FHIT: variants seen among roughly 807,000 people sequenced by gnomAD.
FHIT encodes the protein fragile histidine triad diadenosine triphosphatase.
FHIT carries 19 observed loss-of-function variants against 17.9 expected under a neutral mutation model. That is an observed-to-expected ratio of 1.06 (90% CI 0.74 to 1.56). The LOEUF is 1.56. Among genes scored for constraint, FHIT ranks in the 40% most tolerant of loss-of-function variants. The pLI is 0.00. For synonymous variants in FHIT, 81 were observed against 69.7 expected, an observed-to-expected ratio of 1.16 and a Z score of -0.81; for missense variants, 248 against 189.2, an observed-to-expected ratio of 1.31 and a Z score of -1.82.
intron 3 of FHIT, among the ~76,000 whole-genome samples, chr3:60,917,518 C>A (rs1553767345): frequency 6.6e-6 from 1 of 152,208 alleles, no homozygotes; most frequent in African/African-American, 2.4e-5. Context: ...CTGGCAAGGC[C>A]ACATATGGAA....
At chr3:60,902,168 A>T (rs880003679) in intron 3 of FHIT, among the ~76,000 whole-genome samples, 1 of 152,214 alleles carries the variant, frequency 6.6e-6, no homozygotes, top group African/African-American at 2.4e-5. Flanking sequence ...GCCATAGTCA[A>T]TCTTTACCCT....
intron 5 of FHIT, among the ~76,000 whole-genome samples, chr3:60,176,137 G>A (rs1701657795): frequency 6.6e-6 from 1 of 152,160 alleles, no homozygotes; most frequent in East Asian, 1.9e-4. Flanking sequence ...TGGATCACCT[G>A]AGTCAGGAGT....
chr3:60,552,219 T>C lies in FHIT; in HGVS notation c.-17-15240A>G, dbSNP rs76069446. On this transcript the variant is annotated intron_variant, in intron 4 of 9. Transcript: ENST00000492590. ...CCATTGTATGTATACACCACATGTT[T>C]TTCTCCATTCATCAGTTGATGGACA... 1.6e-3 allele frequency among the ~76,000 whole-genome samples: 244 copies of C among 152,324 alleles called. 10 individuals are homozygous for C. The East Asian group carries it at 0.037, about 23-fold the overall frequency.
chr3:59,826,670 C>T (rs781195553), intron 8 of FHIT, among the ~76,000 whole-genome samples: 5 of 152,240 alleles, frequency 3.3e-5, no homozygotes, highest in Non-Finnish European at 7.3e-5. Context: ...GTCTCATACA[C>T]GGGAGTCTCA....
chr3:60,305,697 C>T (rs1464244646), intron 5 of FHIT, among the ~76,000 whole-genome samples: 1 of 152,062 alleles, frequency 6.6e-6, no homozygotes, highest in Non-Finnish European at 1.5e-5. Context: ...AGAGAAGTAC[C>T]ATTAACAGTA....
chr3:59,886,783 C>A (rs1703642492), intron 8 of FHIT, among the ~76,000 whole-genome samples: 1 of 152,188 alleles, frequency 6.6e-6, no homozygotes, highest in Non-Finnish European at 1.5e-5. Context: ...GCACAAACAT[C>A]CAAACCACAG....
intron 5 of FHIT, among the ~76,000 whole-genome samples, chr3:60,386,527 ACTGCTCT>A (rs1701019365): frequency 6.6e-6 from 1 of 152,146 alleles, no homozygotes; most frequent in Admixed American, 6.6e-5. Flanking sequence ...GACTACCCTG[ACTGCTCT>A]CATATATACC....
intron 5 of FHIT, among the ~76,000 whole-genome samples, chr3:60,344,585 C>A (rs543489033): frequency 6.6e-6 from 1 of 152,188 alleles, no homozygotes; most frequent in South Asian, 2.1e-4. Flanking sequence ...AAGGCAAACA[C>A]TGGAGGAGGA....
intron 7 of FHIT, among the ~76,000 whole-genome samples, chr3:59,942,158 T>C (rs1706553191): frequency 6.6e-6 from 1 of 152,184 alleles, no homozygotes. Context: ...TCTCCACACT[T>C]GGTTTCTCTG....
chr3:59,951,217 T>A (rs762251007), intron 7 of FHIT, among the ~76,000 whole-genome samples: 2 of 152,200 alleles, frequency 1.3e-5, no homozygotes, highest in Non-Finnish European at 2.9e-5. Context: ...AGCTAATGTG[T>A]GTTCCCTTCC....
At chr3:60,100,915 G>GTT in intron 5 of FHIT, among the ~76,000 whole-genome samples, 1 of 152,218 alleles carries the variant, frequency 6.6e-6, no homozygotes, top group Middle Eastern at 3.4e-3. Flanking sequence ...CAAAAAAGTA[G>GTT]TTATATATAA....
At chr3:60,664,297 A>C (rs972806148) in intron 4 of FHIT, among the ~76,000 whole-genome samples, 6 of 152,074 alleles carry the variant, frequency 3.9e-5, no homozygotes, top group African/African-American at 1.4e-4. Context: ...AAAATGTTGA[A>C]CCAACCTTAC....
intron 3 of FHIT, among the ~76,000 whole-genome samples, chr3:61,031,537 A>C (rs1271432011): frequency 6.6e-6 from 1 of 152,212 alleles, no homozygotes; most frequent in Non-Finnish European, 1.5e-5. Flanking sequence ...ACTCATGTAA[A>C]TTGAATTCAT....
chr3:60,481,394 T>A (rs1484195118), intron 5 of FHIT, among the ~76,000 whole-genome samples: 1 of 151,766 alleles, frequency 6.6e-6, no homozygotes, highest in Admixed American at 6.6e-5. Context: ...AAGGTTGAAA[T>A]GAAGGAAAGA....
At chr3:60,583,221 C>A (rs2037803965) in intron 4 of FHIT, among the ~76,000 whole-genome samples, 1 of 151,898 alleles carries the variant, frequency 6.6e-6, no homozygotes, top group Non-Finnish European at 1.5e-5. Flanking sequence ...GTTTTTGGTT[C>A]CTCTTCATTT....
intron 7 of FHIT, among the ~76,000 whole-genome samples, chr3:59,953,867 C>T (rs983473787): frequency 1.3e-5 from 2 of 152,304 alleles, no homozygotes; most frequent in Non-Finnish European, 2.9e-5. Context: ...TGGTGTACCC[C>T]CTTCTCATTG....
intron 5 of FHIT, among the ~76,000 whole-genome samples, chr3:60,107,628 G>C (rs1182127088): frequency 1.3e-5 from 2 of 152,180 alleles, no homozygotes; most frequent in South Asian, 2.1e-4. Flanking sequence ...ACATAAGTTT[G>C]TTGGCTACTT....
At chr3:60,159,882 T>C (rs569827801) in intron 5 of FHIT, among the ~76,000 whole-genome samples, 2 of 152,208 alleles carry the variant, frequency 1.3e-5, no homozygotes, top group East Asian at 3.9e-4. Flanking sequence ...CAACAGCGGC[T>C]CCAGAAACAC....
intron 4 of FHIT, among the ~76,000 whole-genome samples, chr3:60,681,165 G>A (rs1415516096): frequency 2.0e-5 from 3 of 152,116 alleles, no homozygotes; most frequent in Admixed American, 6.5e-5. Context: ...CCAACAGCAC[G>A]TGTTCATTTC....
Sources: allele counts gnomAD v4.1 joint callset (sites outside exome capture counted in the v4.1 genomes callset), GRCh38; gene constraint gnomAD v4.1.1; transcripts MANE v1.5; gene names NCBI Gene and HGNC (gene_info 2026-07-23, HGNC 2026-07-21).